Variants in SPATA13 observed in about 807,000 individuals in gnomAD.
SPATA13 encodes the protein spermatogenesis-associated protein 13.
A neutral mutation model predicts 104.0 loss-of-function variants in SPATA13; 50 were observed. The observed-to-expected ratio is 0.48, with a 90% CI of 0.38 to 0.61. SPATA13 has a LOEUF of 0.61. Ranked by LOEUF, SPATA13 falls within the 20% of genes least tolerant of loss-of-function variation. The pLI, the probability that SPATA13 is intolerant of heterozygous loss-of-function variation, is 0.00. For synonymous variants in SPATA13, 606 were observed against 667.5 expected, an observed-to-expected ratio of 0.91 and a Z score of 1.42; for missense variants, 1,524 against 1,690.6, an observed-to-expected ratio of 0.90 and a Z score of 1.73.
At chr13:24,145,084 T>G (rs570800979) in intron 3 of SPATA13, among the ~76,000 whole-genome samples, 51 of 152,274 alleles carry the variant, frequency 3.3e-4, no homozygotes, top group African/African-American at 9.6e-4. Flanking sequence ...AGTGGGCAAG[T>G]CAAAGGAGAC....
intron 3 of SPATA13, among the ~76,000 whole-genome samples, chr13:24,135,225 A>AG (rs35347296): frequency 0.53 from 80,768 of 151,488 alleles, 21,771 homozygotes; most frequent in Admixed American, 0.61. Flanking sequence ...TTCGAAAAAA[A>AG]AAATACTTTT....
intron 2 of SPATA13, among the ~76,000 whole-genome samples, chr13:24,006,065 G>A (rs1005542241): frequency 2.0e-5 from 3 of 152,332 alleles, no homozygotes; most frequent in Non-Finnish European, 2.9e-5. Flanking sequence ...GGTGCCTGCT[G>A]TGTTCCTGCA....
intron 1 of SPATA13, among the ~76,000 whole-genome samples, chr13:24,163,888 G>A (rs1026084594): frequency 6.6e-6 from 1 of 152,182 alleles, no homozygotes; most frequent in African/African-American, 2.4e-5. Context: ...GGCATTGGAA[G>A]GTTTCACTTA....
intron 3 of SPATA13, among the ~76,000 whole-genome samples, chr13:24,061,650 T>C (rs1258124009): frequency 6.6e-5 from 10 of 152,068 alleles, no homozygotes; most frequent in Admixed American, 6.6e-4. Flanking sequence ...TTCTTACTTA[T>C]AAATAGGAGC....
chr13:24,002,724 C>G (rs149043401), intron 2 of SPATA13, among the ~76,000 whole-genome samples: 5 of 152,162 alleles, frequency 3.3e-5, no homozygotes, highest in South Asian at 2.1e-4. Context: ...TGTGACCCCC[C>G]GAGCACAAGC....
intron 3 of SPATA13, among the ~76,000 whole-genome samples, chr13:24,140,764 C>G (rs141521750): frequency 9.2e-5 from 14 of 152,352 alleles, no homozygotes; most frequent in African/African-American, 2.9e-4. Context: ...TCTGGGTTTT[C>G]TAACTTCATT....
intron 3 of SPATA13, among the ~76,000 whole-genome samples, chr13:24,083,081 T>C (rs879266354): frequency 5.9e-5 from 9 of 152,202 alleles, no homozygotes; most frequent in Non-Finnish European, 1.0e-4. Flanking sequence ...GAAAATTCAT[T>C]TGCTTAATAA....
intron 2 of SPATA13, among the ~76,000 whole-genome samples, chr13:24,003,777 G>A (rs1593269710): frequency 6.6e-6 from 1 of 152,124 alleles, no homozygotes; most frequent in Non-Finnish European, 1.5e-5. Flanking sequence ...ATCCATTATA[G>A]TAATGATTTT....
At chr13:24,149,604 A>T (rs983910603) in intron 3 of SPATA13, among the ~76,000 whole-genome samples, 4 of 152,188 alleles carry the variant, frequency 2.6e-5, no homozygotes, top group Admixed American at 6.5e-5. Context: ...ACACTCCTAG[A>T]TCTTCTGTCA....
intron 1 of SPATA13, among the ~76,000 whole-genome samples, chr13:24,181,796 G>A (rs1205699418): frequency 6.8e-6 from 1 of 146,374 alleles, no homozygotes; most frequent in Admixed American, 7.0e-5. Context: ...TAAGTAGAAA[G>A]CATACACTTT....
intron 1 of SPATA13, among the ~76,000 whole-genome samples, chr13:24,194,502 G>A (rs1043990127): frequency 1.3e-4 from 20 of 152,116 alleles, no homozygotes; most frequent in African/African-American, 4.8e-4. Context: ...TAGCTGGAGA[G>A]GTAGGATGCA....
chr13:24,299,780 C>A (rs1430688180), intron 11 of SPATA13, among the ~76,000 whole-genome samples: 3 of 152,222 alleles, frequency 2.0e-5, no homozygotes, highest in Non-Finnish European at 4.4e-5. Flanking sequence ...TCTGTCCTTC[C>A]TTCTCCTTCC....
intron 9 of SPATA13, among the ~76,000 whole-genome samples, chr13:24,292,401 A>C (rs573038030): frequency 6.6e-6 from 1 of 152,338 alleles, no homozygotes; most frequent in South Asian, 2.1e-4. Flanking sequence ...GCCAGGCTCC[A>C]AGCCAGGCTA....
intron 3 of SPATA13, among the ~76,000 whole-genome samples, chr13:24,086,429 C>T (rs1263572489): frequency 6.6e-6 from 1 of 152,024 alleles, no homozygotes; most frequent in Admixed American, 6.6e-5. Flanking sequence ...GAAGAAGACA[C>T]CAGGGAGAGG....
At chr13:24,062,976 G>T (rs1160868897) in intron 3 of SPATA13, among the ~76,000 whole-genome samples, 1 of 152,170 alleles carries the variant, frequency 6.6e-6, no homozygotes, top group African/African-American at 2.4e-5. Flanking sequence ...TGCCCCTGGG[G>T]GTTTGTGGGG....
At chr13:24,162,720 A>T (rs753532740) in intron 1 of SPATA13, among the ~76,000 whole-genome samples, 2 of 152,214 alleles carry the variant, frequency 1.3e-5, no homozygotes, top group Non-Finnish European at 2.9e-5. Context: ...CATCCCTATA[A>T]TGTAGGATCT....
intron 2 of SPATA13, among the ~76,000 whole-genome samples, chr13:24,002,001 G>A (rs1010043013): frequency 6.6e-6 from 1 of 152,114 alleles, no homozygotes; most frequent in African/African-American, 2.4e-5. Context: ...CCCAGGGGGC[G>A]GGTGGGAGCA....
chr13:24,226,174 C>G (rs1006948980), intron 2 of SPATA13, among the ~76,000 whole-genome samples: 1 of 152,174 alleles, frequency 6.6e-6, no homozygotes. Flanking sequence ...AGTTCTCACT[C>G]CAGGTCGCTG....
At chr13:24,192,239 C>T (rs1425332890) in intron 1 of SPATA13, among the ~76,000 whole-genome samples, 1 of 152,194 alleles carries the variant, frequency 6.6e-6, no homozygotes, top group Non-Finnish European at 1.5e-5. Context: ...CCCCCTCCCC[C>T]CACACCTTAT....
Sources: gnomAD v4.1 joint callset for allele counts (sites outside exome capture counted in the v4.1 genomes callset) on GRCh38, gnomAD v4.1.1 for gene constraint, MANE v1.5 for transcripts, NCBI Gene and HGNC (gene_info 2026-07-23, HGNC 2026-07-21) for gene names.